The following PDE10A variants were observed in gnomAD, a reference collection of about 807,000 sequenced individuals.
PDE10A encodes the protein cAMP and cAMP-inhibited cGMP 3',5'-cyclic phosphodiesterase 10A.
In PDE10A, 39 loss-of-function variants were observed where a neutral mutation model predicts 97.7. That is an observed-to-expected ratio of 0.40 (90% CI 0.31 to 0.52). PDE10A has a LOEUF of 0.52. Ranked by LOEUF, PDE10A falls within the 20% of genes least tolerant of loss-of-function variation. The probability of loss-of-function intolerance (pLI) is 0.56; values close to 1 mark genes in which losing one functional copy is unlikely to be tolerated. For synonymous variants in PDE10A, 371 were observed against 376.8 expected (o/e 0.98, Z 0.18); for missense variants, 731 against 1,047.8 (o/e 0.70, Z 4.17).
At chr6:165,478,764 A>G (rs1036998230) in intron 3 of PDE10A, among the ~76,000 whole-genome samples, 1 of 152,062 alleles carries the variant, frequency 6.6e-6, no homozygotes, top group South Asian at 2.1e-4. Context: ...GAGCTCTGAA[A>G]CCTGCTACTT....
chr6:165,791,172 C>G (rs2128463550), intron 1 of PDE10A, among the ~76,000 whole-genome samples: 1 of 151,984 alleles, frequency 6.6e-6, no homozygotes, highest in Middle Eastern at 3.4e-3. Context: ...TGGTCTCAAA[C>G]TCCTCTTCTC....
intron 1 of PDE10A, among the ~76,000 whole-genome samples, chr6:165,635,410 T>C (rs1447547515): frequency 2.0e-5 from 3 of 152,218 alleles, no homozygotes; most frequent in Non-Finnish European, 4.4e-5. Flanking sequence ...CAGTTTAGTC[T>C]TGGCACAGGC....
intron 18 of PDE10A, among the ~76,000 whole-genome samples, chr6:165,373,228 T>C (rs1211628050): frequency 1.3e-5 from 2 of 150,662 alleles, no homozygotes; most frequent in Non-Finnish European, 3.0e-5. Flanking sequence ...AATTGACAAA[T>C]GGGATCTAAT....
At chr6:165,930,387 G>T (rs1471586131) in intron 1 of PDE10A, among the ~76,000 whole-genome samples, 1 of 152,154 alleles carries the variant, frequency 6.6e-6, no homozygotes, top group Non-Finnish European at 1.5e-5. Flanking sequence ...CAGGCAGGAA[G>T]GAAACACTTG....
At chr6:165,420,966 GAAGAA>G (rs1178469865) in intron 10 of PDE10A, among the ~76,000 whole-genome samples, 2 of 151,958 alleles carry the variant, frequency 1.3e-5, no homozygotes, top group Non-Finnish European at 1.5e-5. Context: ...TTTTGAAACA[GAAGAA>G]AAGTTATAAA....
chr6:165,641,498 T>TA (rs1326051090), intron 1 of PDE10A, among the ~76,000 whole-genome samples: 1 of 152,206 alleles, frequency 6.6e-6, no homozygotes, highest in Admixed American at 6.5e-5. Flanking sequence ...CTTTAAAAGT[T>TA]ACACTTCAGT....
chr6:165,411,779 A>C (rs1787863151), intron 13 of PDE10A, among the ~76,000 whole-genome samples: 1 of 152,246 alleles, frequency 6.6e-6, no homozygotes, highest in Non-Finnish European at 1.5e-5. Context: ...TATCTATTTA[A>C]CAGAGAAAGA....
At chr6:165,906,009 T>TCCCTCTC (rs1782257797) in intron 1 of PDE10A, among the ~76,000 whole-genome samples, 1 of 31,674 alleles carries the variant, frequency 3.2e-5, no homozygotes. Flanking sequence ...CCTTCCTTCC[T>TCCCTCTC]TCCTTCCCTC....
intron 6 of PDE10A, among the ~76,000 whole-genome samples, chr6:165,434,708 C>G (rs220822): frequency 0.38 from 57,247 of 152,010 alleles, 11,860 homozygotes; most frequent in African/African-American, 0.55. Context: ...TTACTGGAAG[C>G]GGGTGAGAGA....
At chr6:165,381,865 G>A (rs1196768493) in intron 17 of PDE10A, among the ~76,000 whole-genome samples, 1 of 152,038 alleles carries the variant, frequency 6.6e-6, no homozygotes, top group Non-Finnish European at 1.5e-5. Flanking sequence ...AAGCAATGAA[G>A]CATAGCAGAC....
At chr6:165,767,192 A>G (rs1403744949) in intron 1 of PDE10A, among the ~76,000 whole-genome samples, 1 of 152,220 alleles carries the variant, frequency 6.6e-6, no homozygotes, top group African/African-American at 2.4e-5. Context: ...GTGGCACCGA[A>G]AAAAAGTGCT....
At chr6:165,486,648 G>C (rs1243217033) in intron 2 of PDE10A, among the ~76,000 whole-genome samples, 8 of 152,224 alleles carry the variant, frequency 5.3e-5, no homozygotes. Flanking sequence ...CTCATACACG[G>C]AAGTGAGATG....
chr6:165,848,263 A>G (rs7740126), intron 1 of PDE10A, among the ~76,000 whole-genome samples: 152,213 of 152,262 alleles, frequency 1, 76,082 homozygotes, highest in Middle Eastern at 1. Context: ...GATGGCGAGC[A>G]ACATGGGCCA....
rs828564 is a variant in PDE10A, at chr6:165,601,777, A to G, written c.866-58209T>C. Among the ~76,000 whole-genome samples the G allele has an allele frequency of 5.2e-4, 79 of 152,024 alleles. 1 individual carries two copies. Among genetic ancestry groups the G allele is most frequent in the African/African-American group, 1.9e-3 (77 of 41,494 alleles). On this transcript the variant is annotated intron_variant, in intron 1 of 21. Transcript: ENST00000539869. ...AAAGAATCATTAGGGTCCCTCATAC[A>G]TATCTAATTAATTAATTATAGTTTA...
intron 1 of PDE10A, among the ~76,000 whole-genome samples, chr6:165,573,325 A>G (rs961510541): frequency 2.7e-5 from 4 of 150,534 alleles, no homozygotes; most frequent in African/African-American, 4.9e-5. Context: ...CCTATGCATT[A>G]GTAGATTACT....
chr6:165,825,989 G>T (rs1056045214), intron 1 of PDE10A, among the ~76,000 whole-genome samples: 1 of 152,140 alleles, frequency 6.6e-6, no homozygotes, highest in African/African-American at 2.4e-5. Context: ...AAAAGGAAAA[G>T]AAGCATTCCA....
chr6:165,715,647 C>T (rs1239050654), intron 1 of PDE10A, among the ~76,000 whole-genome samples: 1 of 152,202 alleles, frequency 6.6e-6, no homozygotes, highest in African/African-American at 2.4e-5. Context: ...CGCACACACA[C>T]AGACTCTCTC....
chr6:165,758,330 G>A (rs2007449), intron 1 of PDE10A, among the ~76,000 whole-genome samples: 86,006 of 151,900 alleles, frequency 0.57, 27,833 homozygotes, highest in Non-Finnish European at 0.72. Flanking sequence ...GCGTTCTGGC[G>A]CATGCCTGTA....
chr6:165,453,700 T>G (rs77215380), intron 3 of PDE10A, among the ~76,000 whole-genome samples: 1,592 of 152,314 alleles, frequency 0.01, 30 homozygotes, highest in African/African-American at 0.037. Flanking sequence ...CTTGCAGGCT[T>G]CATGAGCTGT....
Sources: gnomAD v4.1 joint callset for allele counts (sites outside exome capture counted in the v4.1 genomes callset) on GRCh38, gnomAD v4.1.1 for gene constraint, MANE v1.5 for transcripts, NCBI Gene and HGNC (gene_info 2026-07-23, HGNC 2026-07-21) for gene names.